NRG3: variants seen among roughly 807,000 people sequenced by gnomAD.
NRG3 encodes pro-neuregulin-3, membrane-bound isoform.
Under a neutral mutation model 66.9 loss-of-function variants are expected in NRG3, and 31 were observed. The observed-to-expected ratio is 0.46, with a 90% CI of 0.35 to 0.63. The LOEUF is 0.63. Ranked by LOEUF, NRG3 falls within the 20% of genes least tolerant of loss-of-function variation. The pLI, the probability that NRG3 is intolerant of heterozygous loss-of-function variation, is 0.00. For synonymous variants in NRG3, 393 were observed against 359.4 expected, an observed-to-expected ratio of 1.09 and a Z score of -1.06; for missense variants, 910 against 878.9, an observed-to-expected ratio of 1.04 and a Z score of -0.45.
chr10:82,546,994 T>C (rs547669483), intron 2 of NRG3, among the ~76,000 whole-genome samples: 4 of 152,202 alleles, frequency 2.6e-5, no homozygotes, highest in Admixed American at 2.6e-4. Context: ...AACATGATGA[T>C]GATAGAGTTG....
intron 1 of NRG3, among the ~76,000 whole-genome samples, chr10:82,047,608 C>G (rs2063365847): frequency 6.6e-6 from 1 of 151,734 alleles, no homozygotes; most frequent in African/African-American, 2.4e-5. Context: ...AAGCACTAAT[C>G]ATGGAAAGGA....
intron 1 of NRG3, among the ~76,000 whole-genome samples, chr10:82,054,844 A>ATAAT (rs2063757595): frequency 5.3e-5 from 8 of 151,676 alleles, no homozygotes; most frequent in Non-Finnish European, 1.0e-4. Context: ...CAGATCTATA[A>ATAAT]AAAAAAATAG....
At chr10:82,578,093 G>T (rs972747325) in intron 2 of NRG3, among the ~76,000 whole-genome samples, 5 of 151,268 alleles carry the variant, frequency 3.3e-5, no homozygotes, top group African/African-American at 1.2e-4. Context: ...TACAGCAATG[G>T]TGATCAGGGC....
chr10:82,243,907 A>T (rs1386320053), intron 1 of NRG3, among the ~76,000 whole-genome samples: 1 of 152,190 alleles, frequency 6.6e-6, no homozygotes, highest in African/African-American at 2.4e-5. Context: ...ATAGCATTTA[A>T]TAGGAGAAAT....
chr10:82,376,768 G>T (rs7089896), intron 2 of NRG3, among the ~76,000 whole-genome samples: 2 of 152,052 alleles, frequency 1.3e-5, no homozygotes, highest in East Asian at 3.9e-4. Context: ...ATGTTTACAA[G>T]CTTTCTGATC....
chr10:82,828,995 G>T (rs1263925919), intron 3 of NRG3, among the ~76,000 whole-genome samples: 3 of 152,136 alleles, frequency 2.0e-5, no homozygotes, highest in Non-Finnish European at 4.4e-5. Context: ...GAGAAAATGA[G>T]TTTTTTTCTC....
chr10:82,019,011 G>A (rs1318642726), intron 1 of NRG3, among the ~76,000 whole-genome samples: 1 of 152,114 alleles, frequency 6.6e-6, no homozygotes, highest in Non-Finnish European at 1.5e-5. Flanking sequence ...CCTGTCTTGT[G>A]CCAGTTTTCA....
At chr10:82,183,180 T>C (rs947386857) in intron 1 of NRG3, among the ~76,000 whole-genome samples, 4 of 152,032 alleles carry the variant, frequency 2.6e-5, no homozygotes, top group African/African-American at 9.7e-5. Flanking sequence ...GATGTTTTTG[T>C]TGTTTCTGTC....
intron 2 of NRG3, among the ~76,000 whole-genome samples, chr10:82,555,495 T>C (rs1268798562): frequency 6.6e-6 from 1 of 152,188 alleles, no homozygotes; most frequent in Non-Finnish European, 1.5e-5. Flanking sequence ...TCCTAAAAGC[T>C]ACTGACCATC....
intron 2 of NRG3, among the ~76,000 whole-genome samples, chr10:82,509,216 AC>A (rs1240966659): frequency 6.6e-6 from 1 of 152,108 alleles, no homozygotes; most frequent in Non-Finnish European, 1.5e-5. Context: ...ATCAATGACA[AC>A]AGAAACAGAC....
intron 1 of NRG3, among the ~76,000 whole-genome samples, chr10:82,037,614 T>G (rs896897893): frequency 6.6e-6 from 1 of 152,152 alleles, no homozygotes. Context: ...TCTAACAGCA[T>G]TGGCAGGATC....
chr10:82,805,540 G>A (rs563380032), intron 3 of NRG3, among the ~76,000 whole-genome samples: 28 of 151,866 alleles, frequency 1.8e-4, no homozygotes, highest in Admixed American at 4.6e-4. Context: ...TTCCTCCTCC[G>A]TTTAGAAACT....
chr10:82,802,760 T>A (rs929638395), intron 3 of NRG3, among the ~76,000 whole-genome samples: 5 of 152,018 alleles, frequency 3.3e-5, no homozygotes, highest in Admixed American at 1.3e-4. Flanking sequence ...TCCAACCATC[T>A]GCCCCACTCA....
chr10:82,223,642 AACACAC>A (rs398014296), intron 1 of NRG3, among the ~76,000 whole-genome samples: 4,159 of 137,970 alleles, frequency 0.03, 103 homozygotes, highest in African/African-American at 0.077. Context: ...AACCACCCCA[AACACAC>A]ACACACACAC....
chr10:81,993,913 T>G (rs1006564966), intron 1 of NRG3, among the ~76,000 whole-genome samples: 3 of 152,220 alleles, frequency 2.0e-5, no homozygotes, highest in African/African-American at 7.2e-5. Flanking sequence ...TCTTTTGCTA[T>G]TTAATATAGT....
At chr10:81,976,859 C>G (rs1408982261) in intron 1 of NRG3, among the ~76,000 whole-genome samples, 1 of 152,094 alleles carries the variant, frequency 6.6e-6, no homozygotes, top group Non-Finnish European at 1.5e-5. Context: ...GAAGATGTTA[C>G]ACAAAATAAA....
At chr10:82,270,921 G>C (rs1480504793) in intron 1 of NRG3, among the ~76,000 whole-genome samples, 1 of 152,080 alleles carries the variant, frequency 6.6e-6, no homozygotes, top group East Asian at 1.9e-4. Flanking sequence ...TTGTCAATGT[G>C]AGTTTCATTT....
At chr10:82,181,414 T>G (rs975687566) in intron 1 of NRG3, among the ~76,000 whole-genome samples, 1 of 151,816 alleles carries the variant, frequency 6.6e-6, no homozygotes, top group African/African-American at 2.4e-5. Flanking sequence ...TATACTTCTC[T>G]CTTACTACTG....
At chr10:82,352,373 C>T (rs550447223) in intron 1 of NRG3, among the ~76,000 whole-genome samples, 3 of 152,290 alleles carry the variant, frequency 2.0e-5, no homozygotes, top group South Asian at 2.1e-4. Flanking sequence ...GATAAATCAT[C>T]TCAAAGGCTA....
Sources: allele counts gnomAD v4.1 joint callset (sites outside exome capture counted in the v4.1 genomes callset), GRCh38; gene constraint gnomAD v4.1.1; transcripts MANE v1.5; gene names NCBI Gene and HGNC (gene_info 2026-07-23, HGNC 2026-07-21).